Variants in ZNF136 observed in about 807,000 individuals in gnomAD.
ZNF136 encodes zinc finger protein 136 (clone pHZ-20).
ZNF136 carries 8 observed loss-of-function variants against 11.4 expected under a neutral mutation model. That is an observed-to-expected ratio of 0.70 (90% CI 0.41 to 1.27). ZNF136 has a LOEUF of 1.27. Among genes scored for constraint, ZNF136 ranks in the 50% most tolerant of loss-of-function variants. ZNF136 has a pLI of 0.01. For synonymous variants in ZNF136, 190 were observed against 207.1 expected (o/e 0.92, Z 0.71); for missense variants, 590 against 656.5 (o/e 0.90, Z 1.11).
chr19:12,174,642 C>CTT (rs760697645), intron 1 of ZNF136, among the ~76,000 whole-genome samples: 2 of 147,334 alleles, frequency 1.4e-5, no homozygotes, highest in African/African-American at 2.5e-5. Context: ...TTCTTTCTTT[C>CTT]TTTTTTTTTT....
chr19:12,164,311 G>T (rs1285842804), intron 1 of ZNF136, among the ~76,000 whole-genome samples: 1 of 152,056 alleles, frequency 6.6e-6, no homozygotes, highest in Non-Finnish European at 1.5e-5. Context: ...TCGCTCTGTC[G>T]CCTAGGCTGG....
In ZNF136 at chr19:12,187,558, T is replaced by C. The variant is rs1915146262; in HGVS notation, c.1180T>C (p.Cys394Arg). ...IKHTGEGPYKCKVCGKPFHSL... is the reference protein window; with the variant it reads ...IKHTGEGPYKRKVCGKPFHSL... The stretch of plus-strand genomic sequence containing the variant: ...ACATACTGGAGAAGGACCTTATAAA[T>C]GTAAGGTATGTGGGAAACCCTTTCA... Residue 394 changes from cysteine to arginine, a missense_variant, in exon 4 of 4, where the codon TGT (cysteine) becomes CGT (arginine). Transcript: ENST00000343979. The C allele has an allele frequency of 6.2e-7, 1 of 1,613,926 alleles. No homozygotes were observed. Among genetic ancestry groups the C allele is most frequent in the Non-Finnish European group, 8.5e-7 (1 of 1,180,004 alleles).
At chr19:12,172,386 A>G (rs1212860453) in intron 1 of ZNF136, among the ~76,000 whole-genome samples, 1 of 152,054 alleles carries the variant, frequency 6.6e-6, no homozygotes, top group East Asian at 1.9e-4. Context: ...TTCAAGGGAT[A>G]TTTCTTCATT....
At chr19:12,180,929 T>G (rs987703026) in intron 1 of ZNF136, among the ~76,000 whole-genome samples, 2 of 152,252 alleles carry the variant, frequency 1.3e-5, no homozygotes, top group African/African-American at 2.4e-5. Flanking sequence ...GTTCTGCCCC[T>G]TAAGCCACAG....
In ZNF136 at chr19:12,185,782, C is replaced by A. The variant is rs749413382; in HGVS notation, c.4-3C>A. The A allele has an allele frequency of 3.7e-6, 6 of 1,612,636 alleles. No individual in the cohort carries two copies. Among genetic ancestry groups the A allele is most frequent in the African/African-American group, 1.3e-5 (1 of 74,740 alleles). Reference sequence around the variant, plus strand: ...TCCTCTCCACATATGTGGGATGTTTCAGGACTCGGTGGCTTTTGAGGATGT... The same window carrying A: ...TCCTCTCCACATATGTGGGATGTTTAAGGACTCGGTGGCTTTTGAGGATGT... On this transcript the variant is annotated splice_polypyrimidine_tract_variant and splice_region_variant and intron_variant, in intron 1 of 3. Transcript: ENST00000343979.
chr19:12,166,702 T>C (rs1029080227), intron 1 of ZNF136, among the ~76,000 whole-genome samples: 9 of 152,208 alleles, frequency 5.9e-5, no homozygotes, highest in Non-Finnish European at 1.2e-4. Flanking sequence ...TGTCTGAAAA[T>C]AGTAGATTCT....
At chr19:12,172,155 T>A (rs1914671473) in intron 1 of ZNF136, among the ~76,000 whole-genome samples, 1 of 151,940 alleles carries the variant, frequency 6.6e-6, no homozygotes, top group African/African-American at 2.4e-5. Flanking sequence ...ATTTTTGTAG[T>A]TTTAGTAGAG....
intron 1 of ZNF136, among the ~76,000 whole-genome samples, chr19:12,173,255 G>A (rs1447773357): frequency 1.3e-5 from 2 of 152,126 alleles, no homozygotes; most frequent in African/African-American, 4.8e-5. Context: ...CAGCAGACAG[G>A]CCTTATTGGT....
intron 1 of ZNF136, among the ~76,000 whole-genome samples, chr19:12,181,446 T>G (rs1049514494): frequency 3.3e-5 from 5 of 152,080 alleles, no homozygotes; most frequent in Non-Finnish European, 7.4e-5. Context: ...CTATTTGGTT[T>G]TTTTGTTTTG....
intron 1 of ZNF136, among the ~76,000 whole-genome samples, chr19:12,178,210 G>C (rs771734021): frequency 1.4e-4 from 22 of 152,168 alleles, no homozygotes; most frequent in Non-Finnish European, 2.6e-4. Flanking sequence ...TCAGATATAT[G>C]GTTTGCAAGT....
chr19:12,183,827 C>A (rs565617884), intron 1 of ZNF136, among the ~76,000 whole-genome samples: 1 of 152,136 alleles, frequency 6.6e-6, no homozygotes, highest in Admixed American at 6.5e-5. Context: ...ATGTTGAATT[C>A]CTGGGCTCAA....
chr19:12,164,803 C>G (rs1488609401), intron 1 of ZNF136: 1 of 152,226 alleles, frequency 6.6e-6, no homozygotes, highest in Non-Finnish European at 1.5e-5. Flanking sequence ...TAGAGACATT[C>G]AAGTGATACA....
intron 1 of ZNF136, among the ~76,000 whole-genome samples, chr19:12,184,154 T>C (rs1275501781): frequency 6.6e-6 from 1 of 151,772 alleles, no homozygotes; most frequent in African/African-American, 2.4e-5. Context: ...TACTCCCACC[T>C]CCTCGGGAGG....
chr19:12,183,993 G>T (rs1016826860), intron 1 of ZNF136, among the ~76,000 whole-genome samples: 1 of 152,212 alleles, frequency 6.6e-6, no homozygotes, highest in African/African-American at 2.4e-5. Flanking sequence ...CAAGCTGGGT[G>T]TGGTGGCTCA....
intron 1 of ZNF136, among the ~76,000 whole-genome samples, chr19:12,172,857 CA>C (rs1914695300): frequency 6.6e-6 from 1 of 152,030 alleles, no homozygotes; most frequent in Non-Finnish European, 1.5e-5. Context: ...ACTAAAAATA[CA>C]AAAATGAGCT....
At position 12,187,466 on chromosome 19, in the gene ZNF136, C is replaced by T; in HGVS notation, c.1088C>T (p.Pro363Leu). The T allele has an allele frequency of 6.2e-7, 1 of 1,613,832 alleles. No individual in the cohort carries two copies. The highest frequency in any genetic ancestry group is 8.5e-7 in the Non-Finnish European group (1 of 1,179,962). The change falls in exon 4 of 4, where the codon CCT (proline) becomes CTT (leucine). Residue 363 changes from proline to leucine, a missense_variant. Physicochemically the swap from Pro to Leu is moderately conservative, Grantham distance 98. Transcript: ENST00000343979. ...IHERTHTGEKPYECKECGEAF... is the reference protein window; with the variant it reads ...IHERTHTGEKLYECKECGEAF... ...GAAAGGACTCACACTGGAGAAAAACCTTATGAATGTAAGGAATGTGGGGAA... is the reference window on the plus strand; with the variant it reads ...GAAAGGACTCACACTGGAGAAAAACTTTATGAATGTAAGGAATGTGGGGAA...
At chr19:12,170,074 G>GCC (rs1914610292) in intron 1 of ZNF136, among the ~76,000 whole-genome samples, 7 of 148,828 alleles carry the variant, frequency 4.7e-5, no homozygotes, top group Non-Finnish European at 1.1e-4. Context: ...GATTACAGGC[G>GCC]TGAGCCACCA....
At chr19:12,182,350 CTT>C (rs1914966292) in intron 1 of ZNF136, among the ~76,000 whole-genome samples, 1 of 152,224 alleles carries the variant, frequency 6.6e-6, no homozygotes, top group Non-Finnish European at 1.5e-5. Flanking sequence ...CCTGTCCTCT[CTT>C]TTCCTGGTCC....
intron 1 of ZNF136, among the ~76,000 whole-genome samples, chr19:12,164,439 C>CTTTTTTTTTT (rs61233117): frequency 1.6e-5 from 2 of 122,848 alleles, no homozygotes; most frequent in South Asian, 2.6e-4. Context: ...TCCCAGATAA[C>CTTTTTTTTTT]TTTTTTTTTT....
Sources: gnomAD v4.1 joint callset for allele counts (sites outside exome capture counted in the v4.1 genomes callset) on GRCh38, gnomAD v4.1.1 for gene constraint, MANE v1.5 for transcripts, NCBI Gene and HGNC (gene_info 2026-07-23, HGNC 2026-07-21) for gene names.